CERKL: variants seen among roughly 807,000 people sequenced by gnomAD.
CERKL encodes CERK like autophagy regulator.
A neutral mutation model predicts 63.4 loss-of-function variants in CERKL; 61 were observed. The ratio of observed to expected loss-of-function variants is 0.96; its 90% confidence interval spans 0.78 to 1.19. The LOEUF (loss-of-function observed/expected upper bound fraction) is 1.19. Among genes scored for constraint, CERKL ranks in the 50% most tolerant of loss-of-function variants. The probability of loss-of-function intolerance (pLI) is 0.00; values close to 1 mark genes in which losing one functional copy is unlikely to be tolerated. For synonymous variants in CERKL, 250 were observed against 230.5 expected (o/e 1.08, Z -0.77); for missense variants, 675 against 655.5 (o/e 1.03, Z -0.33).
chr2:181,651,692 G>A (rs1314010839), intron 1 of CERKL, among the ~76,000 whole-genome samples: 1 of 150,064 alleles, frequency 6.7e-6, no homozygotes, highest in Non-Finnish European at 1.5e-5. Context: ...AGAGAAAGAA[G>A]TAACGAGCAT....
chr2:181,604,104 T>A (rs1417380477), intron 1 of CERKL, 25 bp from the exon 2 acceptor site: 2 of 1,563,304 alleles, frequency 1.3e-6, no homozygotes, highest in African/African-American at 1.4e-5. Context: ...AATTTTCCAA[T>A]TAAAACCATT....
chr2:181,580,909 A>T (rs1684475286), intron 2 of CERKL, among the ~76,000 whole-genome samples: 1 of 152,138 alleles, frequency 6.6e-6, no homozygotes, highest in Non-Finnish European at 1.5e-5. Flanking sequence ...AAGTACCAAA[A>T]AATGCCCGTT....
intron 1 of CERKL, among the ~76,000 whole-genome samples, chr2:181,621,524 G>A (rs772529197): frequency 2.0e-5 from 3 of 152,110 alleles, no homozygotes; most frequent in Non-Finnish European, 4.4e-5. Flanking sequence ...TTTATACCTT[G>A]GCAGTCTACA....
At chr2:181,597,484 C>A (rs1685267740) in intron 2 of CERKL, among the ~76,000 whole-genome samples, 1 of 152,122 alleles carries the variant, frequency 6.6e-6, no homozygotes, top group Admixed American at 6.5e-5. Flanking sequence ...GAAAGAGAGC[C>A]AGGACCTTTT....
chr2:181,610,427 G>A (rs995717541), intron 1 of CERKL, among the ~76,000 whole-genome samples: 1 of 152,170 alleles, frequency 6.6e-6, no homozygotes, highest in Non-Finnish European at 1.5e-5. Flanking sequence ...TTGGGAATAT[G>A]TATCAAAAGA....
intron 2 of CERKL, among the ~76,000 whole-genome samples, chr2:181,595,017 A>T (rs2105881685): frequency 6.6e-6 from 1 of 152,310 alleles, no homozygotes; most frequent in Admixed American, 6.5e-5. Flanking sequence ...GTGAGAGTAG[A>T]ACTTTATTAC....
chr2:181,538,498 C>CATG (rs199943620), intron 12 of CERKL, among the ~76,000 whole-genome samples: 1 of 25,270 alleles, frequency 4.0e-5, no homozygotes, highest in African/African-American at 1.8e-4. Context: ...TCAGTTATGC[C>CATG]TCTAGAACAC....
chr2:181,619,696 A>ACTGTC (rs1447360600), intron 1 of CERKL, among the ~76,000 whole-genome samples: 1 of 152,080 alleles, frequency 6.6e-6, no homozygotes, highest in African/African-American at 2.4e-5. Flanking sequence ...GTCTTTTCAA[A>ACTGTC]TATTAACCAA....
At chr2:181,564,939 A>C (rs1444113889) in intron 4 of CERKL, among the ~76,000 whole-genome samples, 1 of 152,262 alleles carries the variant, frequency 6.6e-6, no homozygotes, top group East Asian at 1.9e-4. Flanking sequence ...CTCCTACCCC[A>C]TATTTTTGAT....
chr2:181,652,342 C>A (rs911801987), intron 1 of CERKL, among the ~76,000 whole-genome samples: 2 of 152,136 alleles, frequency 1.3e-5, no homozygotes, highest in Non-Finnish European at 2.9e-5. Flanking sequence ...TAAATTTTTG[C>A]ACCTACAACA....
At position 181,573,764 on chromosome 2, in the gene CERKL, G is replaced by C. The variant is rs142996023; in HGVS notation, c.602C>G (p.Thr201Ser). ...EPLLKLAGIK[T>S]DVTIMEYEGH... ...TGAAAATTACTTACTTGTTACATCA[G>C]TTTTTATTCCTGCAAGCTTCAACAG... is the stretch of plus-strand genomic sequence containing the variant. Residue 201 changes from threonine to serine, a missense_variant, in exon 3 of 13, where the codon ACT (threonine) becomes AGT (serine). Thr to Ser is a moderately conservative substitution (Grantham distance 58). Coordinates refer to ENST00000410087, the MANE Select transcript of CERKL (RefSeq NM_201548.5). The C allele has an allele frequency of 3.3e-5, 54 of 1,612,086 alleles. No individual in the cohort carries two copies. The African/African-American group carries it at 6.8e-4, about 20-fold the overall frequency.
At position 181,538,259 on chromosome 2, in the gene CERKL, C is replaced by CATT; in HGVS notation, c.1539-18_1539-16dup. The CATT allele has an allele frequency of 6.7e-7, 1 of 1,497,950 alleles. No individual in the cohort carries two copies. The highest frequency in any genetic ancestry group is 2.3e-5 in the East Asian group (1 of 44,254). 92.8% of individuals were successfully genotyped at this position (1,497,950 alleles called of 1,614,324 possible). A position where few individuals can be genotyped will look rare whatever the true frequency, so the allele number is the denominator to read the frequency against. The stretch of plus-strand genomic sequence containing the variant: ...TTGGATGCAATCTGTAAAGAAAATA[C>CATT]ATTATTTCATCAACTTATTTTGTTG... On this transcript the variant is annotated splice_polypyrimidine_tract_variant and intron_variant, in intron 12 of 12. Transcript: ENST00000410087.
chr2:181,589,763 A>G (rs1478854591), intron 2 of CERKL, among the ~76,000 whole-genome samples: 1 of 152,202 alleles, frequency 6.6e-6, no homozygotes, highest in Non-Finnish European at 1.5e-5. Context: ...AAGTCTTACT[A>G]CAATGCAAAA....
chr2:181,606,080 G>A (rs1685664639), intron 1 of CERKL, among the ~76,000 whole-genome samples: 1 of 148,412 alleles, frequency 6.7e-6, no homozygotes, highest in Non-Finnish European at 1.5e-5. Context: ...GAGTGAAAAA[G>A]AAAGAGAAAG....
intron 2 of CERKL, among the ~76,000 whole-genome samples, chr2:181,587,185 A>C (rs948717929): frequency 6.6e-6 from 1 of 152,222 alleles, no homozygotes; most frequent in African/African-American, 2.4e-5. Context: ...TTATAGATGC[A>C]GATCTTTACA....
At position 181,543,524 on chromosome 2, in the gene CERKL, T is replaced by C. The variant is rs4667320; in HGVS notation, c.1365+1176A>G. Among the ~76,000 whole-genome samples the C allele has an allele frequency of 5.3e-3, 802 of 152,302 alleles. 23 individuals carry two copies. The highest frequency in any genetic ancestry group is 0.046 in the Admixed American group (699 of 15,290). On this transcript the variant is annotated intron_variant, in intron 11 of 12. Coordinates refer to ENST00000410087, the MANE Select transcript of CERKL (RefSeq NM_201548.5). The stretch of plus-strand genomic sequence containing the variant: ...AATGTTACTGACAGATCAAACTTCA[T>C]GAAGATGGCCTAAGAAAGTTTTAAA...
chr2:181,584,815 G>A (rs1045101708), intron 2 of CERKL, among the ~76,000 whole-genome samples: 6 of 150,970 alleles, frequency 4.0e-5, no homozygotes, highest in African/African-American at 1.2e-4. Flanking sequence ...ATAGCTCCCC[G>A]GTTTTTTTTG....
chr2:181,570,900 C>T (rs1309679456), intron 3 of CERKL, among the ~76,000 whole-genome samples: 1 of 152,044 alleles, frequency 6.6e-6, no homozygotes, highest in Non-Finnish European at 1.5e-5. Flanking sequence ...TGGACTCACC[C>T]ATTCACACAA....
At chr2:181,615,487 TCA>T (rs1230422810) in intron 1 of CERKL, among the ~76,000 whole-genome samples, 1 of 152,250 alleles carries the variant, frequency 6.6e-6, no homozygotes, top group African/African-American at 2.4e-5. Context: ...CTAATTGTGC[TCA>T]CAGTTTCTGC....
Sources: allele counts gnomAD v4.1 joint callset (sites outside exome capture counted in the v4.1 genomes callset), GRCh38; gene constraint gnomAD v4.1.1; transcripts MANE v1.5; gene names NCBI Gene and HGNC (gene_info 2026-07-23, HGNC 2026-07-21).